The following METTL6 variants were observed in gnomAD, a reference collection of about 807,000 sequenced individuals.
The protein encoded by METTL6 is methyltransferase 6, tRNA N3-cytidine, also known as tRNA N(3)-cytidine methyltransferase METTL6.
A neutral mutation model predicts 26.4 loss-of-function variants in METTL6; 22 were observed. That is an observed-to-expected ratio of 0.83 (90% confidence interval 0.59 to 1.19). METTL6 has a LOEUF of 1.19. Ranked by LOEUF, METTL6 falls within the 50% of genes most tolerant of loss-of-function variation. METTL6 has a pLI of 0.00. For synonymous variants in METTL6, 109 were observed against 116.2 expected (o/e 0.94, Z 0.40); for missense variants, 304 against 324.8 (o/e 0.94, Z 0.49).
chr3:15,412,627 G>C (rs1235895132), intron 5 of METTL6, among the ~76,000 whole-genome samples: 1 of 151,776 alleles, frequency 6.6e-6, no homozygotes, highest in Non-Finnish European at 1.5e-5. Flanking sequence ...AGGACCACAA[G>C]TGCATGCCAC....
chr3:15,415,730 C>T (rs1343618813), intron 4 of METTL6, 42 bp downstream of exon 4: 1 of 1,603,412 alleles, frequency 6.2e-7, no homozygotes, highest in South Asian at 1.1e-5. Context: ...GTAAAAGAAT[C>T]CAGACTGTCC....
At chr3:15,416,095 T>G (rs554059927) in intron 3 of METTL6, among the ~76,000 whole-genome samples, 153 bp from the exon 4 acceptor site, 1 of 152,358 alleles carries the variant, frequency 6.6e-6, no homozygotes, top group South Asian at 2.1e-4. Flanking sequence ...TCACTCACTA[T>G]AAAGCATGTA....
chr3:15,404,561 G>A (rs1207415751), intron 6 of METTL6, among the ~76,000 whole-genome samples: 3 of 150,086 alleles, frequency 2.0e-5, no homozygotes, highest in African/African-American at 7.4e-5. Flanking sequence ...ATGTTGGCTA[G>A]GCTGGTCTCG....
chr3:15,419,046 T>C (rs531417809), intron 3 of METTL6, among the ~76,000 whole-genome samples: 103 of 152,232 alleles, frequency 6.8e-4, no homozygotes, highest in Non-Finnish European at 1.3e-3. Context: ...TGCATGCCCA[T>C]GGTCCCAGCT....
intron 5 of METTL6, chr3:15,413,763 T>G: frequency 7.1e-7 from 1 of 1,416,130 alleles, no homozygotes; most frequent in Non-Finnish European, 9.3e-7. Flanking sequence ...GGAATCCACA[T>G]GGCATGTCAG....
intron 6 of METTL6, among the ~76,000 whole-genome samples, chr3:15,385,602 A>G (rs1699171375): frequency 6.6e-6 from 1 of 152,082 alleles, no homozygotes; most frequent in Admixed American, 6.6e-5. Flanking sequence ...CATCTAAAAC[A>G]AACAAACGAA....
chr3:15,405,214 C>A (rs1205766806), downstream of METTL6, among the ~76,000 whole-genome samples: 2 of 152,214 alleles, frequency 1.3e-5, no homozygotes, highest in Admixed American at 1.3e-4. Context: ...TATTTATGCT[C>A]CCCAGTGTCC....
chr3:15,392,621 T>C (rs545108520), intron 6 of METTL6, among the ~76,000 whole-genome samples: 59 of 152,346 alleles, frequency 3.9e-4, no homozygotes, highest in African/African-American at 1.3e-3. Flanking sequence ...AGGGTTTTTA[T>C]GGTTTTAGGT....
Position 15,411,370 on chromosome 3 carries a change from C to G in METTL6, c.741G>C (p.Glu247Asp). Residue 247 changes from glutamate (E) to aspartate (D), a missense_variant, in exon 6 of 6, where the codon GAG (glutamate) becomes GAC (aspartate). Glu to Asp is a conservative substitution (Grantham distance 45, BLOSUM62 2). Coordinates refer to ENST00000383790, the MANE Select transcript of METTL6 (RefSeq NM_152396.4). ...EEVVNEYVFR[E>D]TVNKKEGLCV... is the part of the protein sequence containing the mutation. ...ACAGGCCTTCTTTTTTATTCACCGT[C>G]TCTCGAAACACATACTCGTTTACCA... 6.2e-7 allele frequency: 1 copy of G among 1,614,158 alleles called. No homozygotes were observed. Among genetic ancestry groups the G allele is most frequent in the South Asian group, 1.1e-5 (1 of 91,090 alleles).
chr3:15,402,108 C>T (rs999715293), intron 6 of METTL6, among the ~76,000 whole-genome samples: 5 of 151,944 alleles, frequency 3.3e-5, no homozygotes, highest in African/African-American at 9.7e-5. Context: ...AGAGCCAGAT[C>T]GGGACCTCTT....
At chr3:15,421,842 G>A (rs113605596) in intron 3 of METTL6, among the ~76,000 whole-genome samples, 78 of 152,290 alleles carry the variant, frequency 5.1e-4, no homozygotes, top group African/African-American at 1.4e-3. Context: ...AACCCGGGAG[G>A]TGGAGGTTGC....
intron 6 of METTL6, chr3:15,399,607 G>C (rs1211560797): frequency 6.6e-6 from 1 of 151,160 alleles, no homozygotes; most frequent in East Asian, 1.9e-4. Context: ...GGGGCGGTTG[G>C]GGGGTAGTCC....
At chr3:15,395,386 T>C (rs1189121892) in intron 6 of METTL6, among the ~76,000 whole-genome samples, 1 of 152,218 alleles carries the variant, frequency 6.6e-6, no homozygotes, top group Non-Finnish European at 1.5e-5. Context: ...TTTGAGCCTA[T>C]GTGCATCTTT....
chr3:15,381,285 G>C (rs1369974213), exon 7 of METTL6: 1 of 152,204 alleles, frequency 6.6e-6, no homozygotes, highest in Non-Finnish European at 1.5e-5. Flanking sequence ...TTGAGGCAAG[G>C]AAAGTGACTT....
intron 6 of METTL6, among the ~76,000 whole-genome samples, chr3:15,402,225 A>G (rs1449463555): frequency 1.3e-5 from 2 of 152,214 alleles, no homozygotes; most frequent in Non-Finnish European, 2.9e-5. Context: ...TGAATGAGAG[A>G]CCAGAGTTTT....
intron 6 of METTL6, among the ~76,000 whole-genome samples, chr3:15,384,962 G>GT (rs1699153818): frequency 6.6e-6 from 1 of 152,180 alleles, no homozygotes; most frequent in Non-Finnish European, 1.5e-5. Flanking sequence ...GAACACTGAA[G>GT]TGAGAAAGAG....
chr3:15,426,632 G>A lies in METTL6; in HGVS notation c.-121C>T. The A allele has an allele frequency of 1.2e-6, 1 of 859,050 alleles. No homozygotes were observed. Among genetic ancestry groups the A allele is most frequent in the Non-Finnish European group, 1.8e-6 (1 of 550,850 alleles). 53.2% of individuals were successfully genotyped at this position (859,050 alleles called of 1,614,324 possible). A position where few individuals can be genotyped will look rare whatever the true frequency, so the allele number is the denominator to read the frequency against. ...GAGTTTCACGCCTCAAACAGCACAG[G>A]GGGCTTCGCAGAGAAAAGAATTAGA... On this transcript the variant is annotated 5_prime_UTR_variant, in exon 2 of 6. Transcript: ENST00000383790.
At chr3:15,417,447 T>C (rs922452028) in intron 3 of METTL6, among the ~76,000 whole-genome samples, 7 of 123,002 alleles carry the variant, frequency 5.7e-5, no homozygotes, top group Non-Finnish European at 1.1e-4. Context: ...AGAGACTCTG[T>C]CTCAAAAATA....
intron 4 of METTL6, chr3:15,414,517 G>A (rs568389593): frequency 1.9e-4 from 55 of 289,342 alleles, no homozygotes; most frequent in Admixed American, 1.7e-3. Context: ...CACCATGCCC[G>A]GCTAATTTTT....
Sources: gnomAD v4.1 joint callset for allele counts (sites outside exome capture counted in the v4.1 genomes callset) on GRCh38, gnomAD v4.1.1 for gene constraint, MANE v1.5 for transcripts, NCBI Gene and HGNC (gene_info 2026-07-23, HGNC 2026-07-21) for gene names.